FRMD4A: variants seen among roughly 807,000 people sequenced by gnomAD.
FRMD4A encodes FERM domain containing 4A.
FRMD4A carries 29 observed loss-of-function variants against 129.1 expected under a neutral mutation model. The ratio of observed to expected loss-of-function variants is 0.22; its 90% CI spans 0.17 to 0.31. FRMD4A has a LOEUF of 0.31. Ranked by LOEUF, FRMD4A falls within the 10% of genes least tolerant of loss-of-function variation. The probability of loss-of-function intolerance (pLI) is 1.00; values close to 1 mark genes in which losing one functional copy is unlikely to be tolerated. For missense variants in FRMD4A, 1,272 were observed against 1,375.8 expected (o/e 0.92, Z 1.19); for synonymous variants, 634 against 571.6 (o/e 1.11, Z -1.56).
chr10:13,917,883 T>C (rs1020726663), intron 2 of FRMD4A, among the ~76,000 whole-genome samples: 30 of 152,188 alleles, frequency 2.0e-4, no homozygotes, highest in African/African-American at 7.2e-4. Flanking sequence ...TCAGTTTTGT[T>C]GCTGATAGCA....
intron 4 of FRMD4A, among the ~76,000 whole-genome samples, chr10:13,806,686 C>G (rs1201213907): frequency 6.6e-6 from 1 of 152,240 alleles, no homozygotes; most frequent in Non-Finnish European, 1.5e-5. Context: ...GCTGAGGTCA[C>G]ACCCAAGCTG....
chr10:14,139,308 G>C lies in FRMD4A; in HGVS notation c.45+190750C>G, dbSNP rs1355188835. On this transcript the variant is annotated intron_variant, in intron 2 of 24. Transcript: ENST00000357447. ...TACAATTTCTGTATTTGAGTCAACT[G>C]TGTCATTCCACTTTTTAAATGGTCC... Among the ~76,000 whole-genome samples, 22 of 152,290 alleles carry C rather than the reference G, an allele frequency of 1.4e-4. No individual in the cohort carries two copies. In the East Asian group the frequency reaches 3.9e-3, roughly 27 times the overall value.
intron 2 of FRMD4A, among the ~76,000 whole-genome samples, chr10:14,000,561 C>A (rs2095638237): frequency 6.9e-6 from 1 of 145,088 alleles, no homozygotes; most frequent in South Asian, 2.2e-4. Flanking sequence ...GCAGGAGAAC[C>A]ACCTGAACCC....
At chr10:14,327,809 G>A (rs1843338155) in intron 2 of FRMD4A, among the ~76,000 whole-genome samples, 2 of 152,140 alleles carry the variant, frequency 1.3e-5, no homozygotes, top group South Asian at 4.1e-4. Flanking sequence ...TTGCTGTTAT[G>A]CCAGGCTACT....
At chr10:14,057,721 C>T (rs1276234779) in intron 2 of FRMD4A, among the ~76,000 whole-genome samples, 1 of 152,160 alleles carries the variant, frequency 6.6e-6, no homozygotes, top group African/African-American at 2.4e-5. Flanking sequence ...CAGGCAGGGG[C>T]CACCCTGCCC....
At chr10:14,304,107 A>T (rs150860621) in intron 2 of FRMD4A, among the ~76,000 whole-genome samples, 45 of 152,348 alleles carry the variant, frequency 3.0e-4, no homozygotes, top group Admixed American at 1.0e-3. Context: ...GGGTATACAA[A>T]TATCTCAACA....
At chr10:14,246,642 C>G (rs552944611) in intron 2 of FRMD4A, among the ~76,000 whole-genome samples, 1 of 152,318 alleles carries the variant, frequency 6.6e-6, no homozygotes, top group South Asian at 2.1e-4. Context: ...CTTAATGCCA[C>G]TGATACAATA....
At chr10:14,025,108 T>C (rs899548650) in intron 2 of FRMD4A, among the ~76,000 whole-genome samples, 8 of 152,200 alleles carry the variant, frequency 5.3e-5, no homozygotes, top group Admixed American at 2.0e-4. Context: ...TACTAAATTT[T>C]TCCTCAGAAT....
chr10:14,224,932 G>C (rs554633084), intron 2 of FRMD4A, among the ~76,000 whole-genome samples: 7 of 152,220 alleles, frequency 4.6e-5, no homozygotes, highest in Middle Eastern at 3.4e-3. Context: ...ATCCAAGAGG[G>C]CTCAAAGAAA....
intron 2 of FRMD4A, among the ~76,000 whole-genome samples, chr10:14,243,127 T>C (rs529319769): frequency 4.6e-5 from 7 of 152,294 alleles, no homozygotes; most frequent in African/African-American, 1.4e-4. Context: ...AGGAAGGAAA[T>C]TCTGACCTAT....
At chr10:14,316,013 C>G (rs1274374255) in intron 2 of FRMD4A, among the ~76,000 whole-genome samples, 1 of 152,232 alleles carries the variant, frequency 6.6e-6, no homozygotes, top group African/African-American at 2.4e-5. Flanking sequence ...GTGCTCTAGT[C>G]ATAGACACTG....
chr10:13,685,440 G>C (rs1219204191), intron 15 of FRMD4A: 7 of 984,646 alleles, frequency 7.1e-6, no homozygotes, highest in Admixed American at 6.2e-5. Context: ...CTGAAACTAT[G>C]GTTTGTAAAT....
intron 2 of FRMD4A, among the ~76,000 whole-genome samples, chr10:14,317,164 A>G (rs887505463): frequency 6.6e-6 from 1 of 152,188 alleles, no homozygotes; most frequent in Non-Finnish European, 1.5e-5. Context: ...ACTTAAAATC[A>G]TTGATGACTA....
At position 13,828,774 on chromosome 10, in the gene FRMD4A, C is replaced by T. The variant is rs555672543; in HGVS notation, c.112-17866G>A. Among the ~76,000 whole-genome samples the T allele has an allele frequency of 1.4e-4, 22 of 152,232 alleles. No homozygotes were observed. In the East Asian group the frequency reaches 2.9e-3, roughly 20 times the overall value. On this transcript the variant is annotated intron_variant, in intron 3 of 24. Coordinates refer to ENST00000357447, the MANE Select transcript of FRMD4A (RefSeq NM_018027.5). ...CTTGAACTTCTGACCTCAGGTGATC[C>T]GCCCGCCTTGGCCTCGCAAAGTGCT... is the stretch of plus-strand genomic sequence containing the variant.
chr10:14,232,110 G>T (rs932038392), intron 2 of FRMD4A, among the ~76,000 whole-genome samples: 4 of 152,150 alleles, frequency 2.6e-5, no homozygotes, highest in African/African-American at 4.8e-5. Flanking sequence ...TTTTGTATAT[G>T]GAGAAAGGAA....
chr10:14,157,311 C>T (rs1193232704), intron 2 of FRMD4A, among the ~76,000 whole-genome samples: 1 of 152,184 alleles, frequency 6.6e-6, no homozygotes, highest in African/African-American at 2.4e-5. Flanking sequence ...CTCTCTGGCT[C>T]CTCCCATACT....
intron 2 of FRMD4A, chr10:14,008,522 C>T (rs186780235): frequency 1.0e-6 from 1 of 989,884 alleles, no homozygotes; most frequent in Non-Finnish European, 1.2e-6. Flanking sequence ...CTTTGCTTCT[C>T]GTGGCTGCAG....
rs370569182 is a variant in FRMD4A, at chr10:13,666,336, G to A, written c.1375-11C>T. ...TTCCAGCTCAGCTTCCTGTGGGAGG[G>A]AAAGCACCGGTTTGGGTTACTGGGG... On this transcript the variant is annotated splice_polypyrimidine_tract_variant and intron_variant, in intron 17 of 24. Coordinates refer to ENST00000357447, the MANE Select transcript of FRMD4A (RefSeq NM_018027.5). 2.2e-5 allele frequency: 35 copies of A among 1,593,984 alleles called. No homozygotes were observed. The highest frequency in any genetic ancestry group is 1.2e-4 in the Admixed American group (7 of 59,952).
intron 2 of FRMD4A, among the ~76,000 whole-genome samples, chr10:14,247,536 G>A (rs780088698): frequency 7.9e-5 from 12 of 151,466 alleles, no homozygotes; most frequent in East Asian, 3.9e-4. Flanking sequence ...TCTCTTTCTC[G>A]CTCTTTCTGT....
Sources: gnomAD v4.1 joint callset for allele counts (sites outside exome capture counted in the v4.1 genomes callset) on GRCh38, gnomAD v4.1.1 for gene constraint, MANE v1.5 for transcripts, NCBI Gene and HGNC (gene_info 2026-07-23, HGNC 2026-07-21) for gene names.